CLTB: variants seen among roughly 807,000 people sequenced by gnomAD.
CLTB encodes clathrin, light chain (Lcb).
CLTB carries 10 observed loss-of-function variants against 30.5 expected under a neutral mutation model. The observed-to-expected ratio is 0.33, with a 90% CI of 0.20 to 0.56. The LOEUF (loss-of-function observed/expected upper bound fraction) is 0.56, where lower values mean the gene tolerates loss of function less well. Among genes scored for constraint, CLTB ranks in the 20% least tolerant of loss-of-function variants. CLTB has a pLI of 0.91. For missense variants in CLTB, 261 were observed against 308.3 expected (o/e 0.85, Z 1.15); for synonymous variants, 102 against 120.3 (o/e 0.85, Z 1.00).
At chr5:176,394,356 C>T (rs187327884) in intron 5 of CLTB, among the ~76,000 whole-genome samples, 12 of 152,334 alleles carry the variant, frequency 7.9e-5, no homozygotes, top group African/African-American at 2.6e-4. Context: ...TTTCACGAGA[C>T]CCCCTGGTAA....
intron 1 of CLTB, among the ~76,000 whole-genome samples, chr5:176,414,871 C>T (rs1194126070): frequency 6.6e-6 from 1 of 152,226 alleles, no homozygotes; most frequent in Non-Finnish European, 1.5e-5. Flanking sequence ...TTATTCATTT[C>T]TGTATCCCCA....
chr5:176,412,771 G>C (rs1008859711), intron 1 of CLTB, among the ~76,000 whole-genome samples: 2 of 152,088 alleles, frequency 1.3e-5, no homozygotes, highest in Non-Finnish European at 2.9e-5. Context: ...TTCAGATAAG[G>C]CTTCTCCTGC....
At chr5:176,392,485 A>G (rs956317443), downstream of CLTB, 2 of 361,196 alleles carry the variant, frequency 5.5e-6, no homozygotes, top group Non-Finnish European at 1.0e-5. The surrounding 1 kb of genome is among the most constrained non-coding windows in gnomAD (Gnocchi z 5.2). Flanking sequence ...ATGATAATAA[A>G]TAAGTGTAAA....
chr5:176,416,261 T>G lies in CLTB; in HGVS notation c.103A>C (p.Ile35Leu), dbSNP rs1757687168. 6.2e-7 allele frequency: 1 copy of G among 1,604,674 alleles called. No homozygotes were observed. Among genetic ancestry groups the G allele is most frequent in the Non-Finnish European group, 8.5e-7 (1 of 1,177,112 alleles). The change falls in exon 1 of 6, where the codon ATT becomes CTT. Residue 35 changes from isoleucine to leucine, a missense_variant. Around this residue, in one of 3 missense-constraint regions of CLTB, gnomAD observed 113 missense variants for 102.5 expected, o/e 1.10. Transcript: ENST00000310418. Reference protein sequence around the residue: ...AAFLAQQESEIAGIENDEGFG... With the variant: ...AAFLAQQESELAGIENDEGFG... ...CCCTCGTCGTTCTCTATGCCTGCAATCTCGCTCTCCTGCTGGGCCAGGAAG... is the reference window on the plus strand; with the variant it reads ...CCCTCGTCGTTCTCTATGCCTGCAAGCTCGCTCTCCTGCTGGGCCAGGAAG...
intron 2 of CLTB, chr5:176,406,540 A>C (rs898700092): frequency 1.1e-5 from 14 of 1,270,386 alleles, no homozygotes; most frequent in Non-Finnish European, 1.4e-5. Flanking sequence ...TGGGAGTATT[A>C]GGGGAAAGGA....
intron 2 of CLTB, chr5:176,406,297 G>C: frequency 9.5e-7 from 1 of 1,055,998 alleles, no homozygotes; most frequent in Non-Finnish European, 1.1e-6. Context: ...CAGAAGGCAG[G>C]AGGCGACAGT....
Position 176,406,978 on chromosome 5 carries a change from G to C in CLTB, c.234+3279C>G, listed in dbSNP as rs1378772844. Among the ~76,000 whole-genome samples the C allele has an allele frequency of 5.3e-5, 8 of 152,314 alleles. No individual in the cohort carries two copies. In the East Asian group the frequency reaches 1.5e-3, roughly 29 times the overall value. On this transcript the variant is annotated intron_variant, in intron 2 of 5. Transcript: ENST00000310418. ...TGCCACTAAGCTTCTGAGTGATTCA[G>C]CTCATCTGTGACCCTGCCCTGCCTG...
In CLTB at chr5:176,393,359, T is replaced by A. The variant is rs1356705153; in HGVS notation, c.519-414A>T. Among the ~76,000 whole-genome samples the A allele has an allele frequency of 1.3e-5, 2 of 152,192 alleles. No homozygotes were observed. The highest frequency in any genetic ancestry group is 2.9e-5 in the Non-Finnish European group (2 of 68,030). ...GACCTAATGCAGGACCTTAGCTATTTCACCATTTCCAAAAACTTGGCAGAA... is the reference window on the plus strand; with the variant it reads ...GACCTAATGCAGGACCTTAGCTATTACACCATTTCCAAAAACTTGGCAGAA... On this transcript the variant is annotated intron_variant, in intron 5 of 5. Coordinates refer to ENST00000310418, the MANE Select transcript of CLTB (RefSeq NM_007097.5). This position sits in a 1 kb window ranked among gnomAD's most constrained non-coding sequence, Gnocchi z 4.4.
intron 2 of CLTB, among the ~76,000 whole-genome samples, chr5:176,402,833 T>A (rs1383019001): frequency 6.6e-6 from 1 of 152,114 alleles, no homozygotes; most frequent in African/African-American, 2.4e-5. Context: ...GAGGGCACCA[T>A]TCTCGCCTGG....
In CLTB at chr5:176,416,376, T is replaced by G; in HGVS notation, c.-13A>C. Reference sequence around the variant, plus strand: ...AGTCATCAGCCATTTTCCCCGCGCCTCCGCCGGAGCCTCCGCTGCGCTCGG... The same window carrying G: ...AGTCATCAGCCATTTTCCCCGCGCCGCCGCCGGAGCCTCCGCTGCGCTCGG... On this transcript the variant is annotated 5_prime_UTR_variant, in exon 1 of 6. Coordinates refer to ENST00000310418, the MANE Select transcript of CLTB (RefSeq NM_007097.5). 6.3e-7 allele frequency: 1 copy of G among 1,584,020 alleles called. No homozygotes were observed. Among genetic ancestry groups the G allele is most frequent in the South Asian group, 1.1e-5 (1 of 88,598 alleles).
intron 2 of CLTB, among the ~76,000 whole-genome samples, chr5:176,404,008 G>A (rs1049130028): frequency 3.9e-5 from 6 of 152,138 alleles, no homozygotes; most frequent in Non-Finnish European, 7.4e-5. Flanking sequence ...GCCTGCCTCA[G>A]CCTCCCAAAG....
chr5:176,406,390 T>C (rs1757121823), intron 2 of CLTB: 2 of 1,150,260 alleles, frequency 1.7e-6, no homozygotes, highest in South Asian at 1.7e-5. Flanking sequence ...TGAGAACCTC[T>C]GTGGACCCAC....
rs754547244 is a variant in CLTB, at chr5:176,392,980, T to A, written c.519-35A>T. Reference sequence around the variant, plus strand: ...GAGATAGGACGGGCTTTTATAGCAGTCTGCTTTCCCCCAGCCTTGCCCTTG... The same window carrying A: ...GAGATAGGACGGGCTTTTATAGCAGACTGCTTTCCCCCAGCCTTGCCCTTG... On this transcript the variant is annotated intron_variant, in intron 5 of 5. Transcript: ENST00000310418. This position sits in a 1 kb window ranked among gnomAD's most constrained non-coding sequence, Gnocchi z 5.2. 7 of 1,612,712 alleles carry A rather than the reference T, an allele frequency of 4.3e-6. No homozygotes were observed. The African/African-American group carries it at 8.0e-5, about 18-fold the overall frequency.
chr5:176,409,406 C>CTT (rs34831947), intron 2 of CLTB, among the ~76,000 whole-genome samples: 151 of 79,640 alleles, frequency 1.9e-3, no homozygotes, highest in Non-Finnish European at 2.6e-3. Flanking sequence ...TCTGATTGCC[C>CTT]TTTTTTTTTT....
chr5:176,403,579 C>G (rs1756950489), intron 2 of CLTB, among the ~76,000 whole-genome samples: 1 of 151,680 alleles, frequency 6.6e-6, no homozygotes, highest in South Asian at 2.1e-4. Context: ...TCAGCCTCCC[C>G]AGTTGCTGAG....
chr5:176,392,647 TG>T lies in CLTB; in HGVS notation c.*126del. ...GGGTGAGGGCCCCCCTCCCAGCGCC[TG>T]GAGATGGGGAGGAGTGGAATAGGCT... On this transcript the variant is annotated 3_prime_UTR_variant, in exon 6 of 6. Transcript: ENST00000310418. The surrounding 1 kb of genome is among the most constrained non-coding windows in gnomAD (Gnocchi z 5.2). The T allele has an allele frequency of 8.9e-7, 1 of 1,119,100 alleles. No individual in the cohort carries two copies. Among genetic ancestry groups the T allele is most frequent in the Non-Finnish European group, 1.3e-6 (1 of 782,142 alleles). 69.3% of individuals were successfully genotyped at this position (1,119,100 alleles called of 1,614,324 possible). A position where few individuals can be genotyped will look rare whatever the true frequency, so the allele number is the denominator to read the frequency against.
intron 1 of CLTB, 77 bp downstream of exon 1, chr5:176,416,100 C>T (rs1170889634): frequency 7.4e-7 from 1 of 1,352,172 alleles, no homozygotes; most frequent in Non-Finnish European, 9.6e-7. Context: ...AGGCTCTCTT[C>T]CCTGTGCCCC....
chr5:176,406,952 T>G (rs1757155212), intron 2 of CLTB, among the ~76,000 whole-genome samples: 1 of 152,152 alleles, frequency 6.6e-6, no homozygotes, highest in Non-Finnish European at 1.5e-5. Flanking sequence ...AGCTGGGGCT[T>G]TGCCACTAAG....
chr5:176,415,946 T>C, intron 1 of CLTB, among the ~76,000 whole-genome samples: 1 of 152,060 alleles, frequency 6.6e-6, no homozygotes, highest in Non-Finnish European at 1.5e-5. Flanking sequence ...GGGGATGAAA[T>C]GTCATGACCG....
Sources: allele counts gnomAD v4.1 joint callset (sites outside exome capture counted in the v4.1 genomes callset), GRCh38; gene constraint gnomAD v4.1.1; regional missense constraint gnomAD v4.1.1; non-coding constraint Gnocchi (gnomAD v3.1); transcripts MANE v1.5; gene names NCBI Gene and HGNC (gene_info 2026-07-23, HGNC 2026-07-21).